WAPL: variants seen among roughly 807,000 people sequenced by gnomAD.
The protein encoded by WAPL is wings apart-like protein homolog.
Under a neutral mutation model 121.0 loss-of-function variants are expected in WAPL, and 5 were observed. The ratio of observed to expected loss-of-function variants is 0.04; its 90% CI spans 0.02 to 0.09. The LOEUF is 0.09. Among genes scored for constraint, WAPL ranks in the 10% least tolerant of loss-of-function variants. The pLI is 1.00. For synonymous variants in WAPL, 480 were observed against 481.5 expected (o/e 1.00, Z 0.04); for missense variants, 999 against 1,410.8 (o/e 0.71, Z 4.68).
At chr10:86,476,384 A>C (rs1462176382) in intron 4 of WAPL, among the ~76,000 whole-genome samples, 2 of 144,800 alleles carry the variant, frequency 1.4e-5, no homozygotes, top group African/African-American at 5.2e-5. Context: ...AAACACTGTA[A>C]GAGTGCCTGA....
chr10:86,509,195 C>A (rs1214125999), intron 2 of WAPL, among the ~76,000 whole-genome samples: 1 of 152,202 alleles, frequency 6.6e-6, no homozygotes, highest in African/African-American at 2.4e-5. Flanking sequence ...CAGCTCCATT[C>A]CAGCAAATCT....
In WAPL at chr10:86,517,953, T is replaced by C. The variant is rs780929971; in HGVS notation, c.117A>G (p.Thr39=). ...TTLSTKWGET[T]FMAKLGQKRP... ...TCTTCTGCCCTAATTTAGCCATAAA[T>C]GTGGTCTCTCCCCATTTTGTGCTAA... The change falls in exon 2 of 19, where the codon ACA becomes ACG. Residue 39 remains threonine, a synonymous_variant. Transcript: ENST00000298767. The C allele has an allele frequency of 5.6e-6, 9 of 1,614,224 alleles. No individual in the cohort carries two copies. In the Admixed American group the frequency reaches 1.5e-4, roughly 27 times the overall value.
At chr10:86,471,126 A>T (rs1564572101) in intron 7 of WAPL, 23 bp from the exon 8 acceptor site, 1 of 1,603,158 alleles carries the variant, frequency 6.2e-7, no homozygotes, top group Non-Finnish European at 8.5e-7. Context: ...AGAGCAGGTT[A>T]GGGGGGCTGG....
At position 86,499,919 on chromosome 10, in the gene WAPL, C is replaced by G. The variant is rs1310887965; in HGVS notation, c.1324G>C (p.Gly442Arg). 1.9e-6 allele frequency: 3 copies of G among 1,613,972 alleles called. No individual in the cohort carries two copies. Among genetic ancestry groups the G allele is most frequent in the Non-Finnish European group, 2.5e-6 (3 of 1,180,006 alleles). ...ATTTTGTAATTAGAACTTCCAGAAC[C>G]TCCTTCATCACCTCCTGTCTCATGA... is the stretch of plus-strand genomic sequence containing the variant. ...EDHETGGDEG[G>R]SGSSNYKIKY... Residue 442 changes from glycine to arginine, a missense_variant, in exon 3 of 19, where the codon GGT becomes CGT. Transcript: ENST00000298767.
At chr10:86,505,279 C>T (rs1461262068) in intron 2 of WAPL, among the ~76,000 whole-genome samples, 3 of 136,356 alleles carry the variant, frequency 2.2e-5, no homozygotes, top group Admixed American at 1.5e-4. Context: ...GGATTACAAG[C>T]TTCAGCCACA....
intron 9 of WAPL, chr10:86,467,002 C>CT (rs1348481748): frequency 3.1e-4 from 102 of 330,454 alleles, no homozygotes; most frequent in South Asian, 7.0e-4. Context: ...TGCCCGGCCC[C>CT]TTTTTTTTCT....
chr10:86,459,049 G>A lies in WAPL; in HGVS notation c.2597C>T (p.Pro866Leu), dbSNP rs749472906. ...TGCTATCAAGTAGCTTTGATTTTCG[G>A]GATTATGCACAGTTACCTAAAAAGG... ...RVLESVTVHN[P>L]ENQSYLIAYK... The change falls in exon 12 of 19, where the codon CCC (proline) becomes CTC (leucine). Residue 866 changes from proline to leucine, a missense_variant. Transcript: ENST00000298767. 1 of 1,606,574 alleles carries A rather than the reference G, an allele frequency of 6.2e-7. No individual in the cohort carries two copies. Among genetic ancestry groups the A allele is most frequent in the Admixed American group, 1.7e-5 (1 of 58,936 alleles).
At chr10:86,468,187 T>C (rs1028667696) in intron 8 of WAPL, among the ~76,000 whole-genome samples, 1 of 152,036 alleles carries the variant, frequency 6.6e-6, no homozygotes, top group Non-Finnish European at 1.5e-5. Flanking sequence ...AAAAACCTTA[T>C]TATGATATAC....
At chr10:86,520,156 G>T (rs142144158) in intron 1 of WAPL, among the ~76,000 whole-genome samples, 2 of 152,228 alleles carry the variant, frequency 1.3e-5, no homozygotes, top group African/African-American at 4.8e-5. Context: ...TTAGCCGGGC[G>T]TGGTGGCGCA....
At chr10:86,493,879 T>C (rs1842098366) in intron 4 of WAPL, among the ~76,000 whole-genome samples, 1 of 152,150 alleles carries the variant, frequency 6.6e-6, no homozygotes, top group Non-Finnish European at 1.5e-5. Context: ...GGCGCTTGCC[T>C]GTAGTCCCAG....
chr10:86,521,453 G>A lies in WAPL; in HGVS notation c.-111C>T, dbSNP rs988800413. 3 of 312,308 alleles carry A rather than the reference G, an allele frequency of 9.6e-6. No individual in the cohort carries two copies. Among genetic ancestry groups the A allele is most frequent in the Non-Finnish European group, 2.0e-5 (3 of 153,632 alleles). The allele number at this position is 312,308 out of a possible 1,614,324, so 19.3% of individuals were successfully genotyped here. A position where few individuals can be genotyped will look rare whatever the true frequency, so the allele number is the denominator to read the frequency against. On this transcript the variant is annotated 5_prime_UTR_variant, in exon 1 of 19. Coordinates refer to ENST00000298767, the MANE Select transcript of WAPL (RefSeq NM_015045.5). ...GCGGGCGGGCGCGGAACCCTCGCGC[G>A]GGAGAGCAGGGCCGGCAGGTGAGAG... is the stretch of plus-strand genomic sequence containing the variant.
At chr10:86,468,007 T>G (rs4453129) in intron 8 of WAPL, among the ~76,000 whole-genome samples, 12,108 of 151,918 alleles carry the variant, frequency 0.08, 855 homozygotes, top group East Asian at 0.38. Context: ...AAGAAACATG[T>G]TTAAAAAAAT....
At chr10:86,510,143 T>C (rs1368887217) in intron 2 of WAPL, among the ~76,000 whole-genome samples, 1 of 145,078 alleles carries the variant, frequency 6.9e-6, no homozygotes, top group Non-Finnish European at 1.5e-5. Flanking sequence ...GGCATGATCT[T>C]GACTCACTGC....
Position 86,518,100 on chromosome 10 carries a change from A to G in WAPL, c.-22-9T>C. 1 of 1,593,672 alleles carries G rather than the reference A, an allele frequency of 6.3e-7. No homozygotes were observed. Among genetic ancestry groups the G allele is most frequent in the Non-Finnish European group, 8.5e-7 (1 of 1,171,190 alleles). On this transcript the variant is annotated splice_polypyrimidine_tract_variant and intron_variant, in intron 1 of 18. Transcript: ENST00000298767. Reference sequence around the variant, plus strand: ...CACCAGTTTCATATTCTCTGTGAAAAAAAATTTAAGAAAACATATAATCAT... The same window carrying G: ...CACCAGTTTCATATTCTCTGTGAAAGAAAATTTAAGAAAACATATAATCAT...
At chr10:86,517,464 C>T in intron 2 of WAPL, 107 bp downstream of exon 2, 3 of 1,404,766 alleles carry the variant, frequency 2.1e-6, no homozygotes, top group Non-Finnish European at 2.8e-6. Context: ...CCCCATGTAT[C>T]ATAAGTGCAG....
intron 17 of WAPL, among the ~76,000 whole-genome samples, chr10:86,441,927 G>A (rs1849480820): frequency 6.6e-6 from 1 of 152,194 alleles, no homozygotes; most frequent in African/African-American, 2.4e-5. Context: ...ATTAGACTCT[G>A]CCATCTTGTT....
At chr10:86,514,921 T>C (rs1477690380) in intron 2 of WAPL, among the ~76,000 whole-genome samples, 7 of 152,146 alleles carry the variant, frequency 4.6e-5, no homozygotes, top group Admixed American at 6.5e-5. Context: ...TTAATCTTAC[T>C]TCCTCCGGCC....
chr10:86,480,189 C>A (rs1036218047), intron 4 of WAPL, among the ~76,000 whole-genome samples: 1 of 152,134 alleles, frequency 6.6e-6, no homozygotes, highest in Non-Finnish European at 1.5e-5. Flanking sequence ...CTTCTCTGCC[C>A]GAATCAACTG....
At position 86,486,723 on chromosome 10, in the gene WAPL, A is replaced by C. The variant is rs562482437; in HGVS notation, c.1644+10478T>G. Among the ~76,000 whole-genome samples the C allele has an allele frequency of 3.4e-4, 52 of 152,330 alleles. No individual in the cohort carries two copies. In the South Asian group the frequency reaches 0.01, roughly 30 times the overall value. On this transcript the variant is annotated intron_variant, in intron 4 of 18. Transcript: ENST00000298767. ...GTAATCCCACCACTTTGGGAGGCCG[A>C]GACCGGCAGATGGCTAGACTCAGGA...
Sources: allele counts gnomAD v4.1 joint callset (sites outside exome capture counted in the v4.1 genomes callset), GRCh38; gene constraint gnomAD v4.1.1; transcripts MANE v1.5; gene names NCBI Gene and HGNC (gene_info 2026-07-23, HGNC 2026-07-21).